IMMT: variants seen among roughly 807,000 people sequenced by gnomAD.
IMMT encodes the protein MICOS complex subunit MIC60.
IMMT carries 40 observed loss-of-function variants against 92.7 expected under a neutral mutation model. The ratio of observed to expected loss-of-function variants is 0.43; its 90% CI spans 0.34 to 0.56. IMMT has a LOEUF of 0.56. Ranked by LOEUF, IMMT falls within the 20% of genes least tolerant of loss-of-function variation. IMMT has a pLI of 0.03. For synonymous variants in IMMT, 322 were observed against 336.1 expected (o/e 0.96, Z 0.46); for missense variants, 831 against 912.1 (o/e 0.91, Z 1.14).
intron 12 of IMMT, among the ~76,000 whole-genome samples, chr2:86,149,149 T>C (rs1379830698): frequency 1.3e-5 from 2 of 152,182 alleles, no homozygotes; most frequent in Non-Finnish European, 2.9e-5. Flanking sequence ...CAGAAAGTAA[T>C]ACAGAGACTC....
At position 86,159,591 on chromosome 2, in the gene IMMT, G is replaced by C; in HGVS notation, c.977C>G (p.Ala326Gly). ...CATGTTGTGAAGTTTACCCTCTGCAGCAGTTATATGAGGCTTGGCCCCAGC... is the reference window on the plus strand; with the variant it reads ...CATGTTGTGAAGTTTACCCTCTGCACCAGTTATATGAGGCTTGGCCCCAGC... ...EVAGAKPHIT[A>G]AEGKLHNMIV... Residue 326 changes from alanine to glycine, a missense_variant, in exon 9 of 15, where the codon GCT becomes GGT. Ala to Gly is a moderately conservative substitution (Grantham distance 60). Coordinates refer to ENST00000410111, the MANE Select transcript of IMMT (RefSeq NM_006839.3). 6.2e-7 allele frequency: 1 copy of C among 1,604,462 alleles called. No individual in the cohort carries two copies. The highest frequency in any genetic ancestry group is 8.5e-7 in the Non-Finnish European group (1 of 1,175,982).
intron 12 of IMMT, among the ~76,000 whole-genome samples, chr2:86,150,371 G>T (rs1342639641): frequency 6.6e-6 from 1 of 152,224 alleles, no homozygotes; most frequent in South Asian, 2.1e-4. Context: ...TGCCAGGTAT[G>T]CCACCATTTG....
chr2:86,177,329 G>A (rs549565521), intron 3 of IMMT, among the ~76,000 whole-genome samples: 11 of 151,922 alleles, frequency 7.2e-5, no homozygotes, highest in African/African-American at 2.7e-4. Flanking sequence ...TAGGCTGGGC[G>A]CAGTGGCTCA....
intron 8 of IMMT, among the ~76,000 whole-genome samples, chr2:86,161,410 T>C (rs1676261662): frequency 6.6e-6 from 1 of 151,984 alleles, no homozygotes; most frequent in Non-Finnish European, 1.5e-5. Context: ...ATCTGCCTCC[T>C]AGGCCTCCCA....
rs141464602 is a variant in IMMT, at chr2:86,148,330, C to T, written c.1402-497G>A. Among the ~76,000 whole-genome samples, 199 of 152,192 alleles carry T rather than the reference C, an allele frequency of 1.3e-3. 1 individual carries two copies. The highest frequency in any genetic ancestry group is 3.3e-3 in the South Asian group (16 of 4,814). On this transcript the variant is annotated intron_variant, in intron 12 of 14. Coordinates refer to ENST00000410111, the MANE Select transcript of IMMT (RefSeq NM_006839.3). ...AGAATCATTAAGAAAATTAGTTGGCCGGGCGTGGTGGCTCACACCTGTAAT... is the reference window on the plus strand; with the variant it reads ...AGAATCATTAAGAAAATTAGTTGGCTGGGCGTGGTGGCTCACACCTGTAAT...
At chr2:86,162,729 A>G (rs1676386265) in intron 7 of IMMT, among the ~76,000 whole-genome samples, 1 of 152,176 alleles carries the variant, frequency 6.6e-6, no homozygotes, top group Non-Finnish European at 1.5e-5. Flanking sequence ...CTGTAATCCC[A>G]GCTACTCGGG....
intron 6 of IMMT, among the ~76,000 whole-genome samples, chr2:86,169,584 A>G (rs1676945710): frequency 6.6e-6 from 1 of 152,188 alleles, no homozygotes; most frequent in Non-Finnish European, 1.5e-5. Flanking sequence ...TCCAGCAAAA[A>G]GCTACATCCC....
rs189772643 is a variant in IMMT at position 86,192,746 on chromosome 2, A to T, written c.45+2592T>A. On this transcript the variant is annotated intron_variant, in intron 1 of 14. Coordinates refer to ENST00000410111, the MANE Select transcript of IMMT (RefSeq NM_006839.3). ...AGTCAGAATTCTATTTTGGATCAGG[A>T]TGCCCTCTCTGAAGGGAAGGTGACA... Among the ~76,000 whole-genome samples the T allele has an allele frequency of 8.2e-4, 125 of 152,286 alleles. 1 individual carries two copies. The highest frequency in any genetic ancestry group is 2.2e-3 in the Admixed American group (34 of 15,298).
At chr2:86,183,343 A>G (rs1264015015) in intron 1 of IMMT, among the ~76,000 whole-genome samples, 1 of 152,114 alleles carries the variant, frequency 6.6e-6, no homozygotes, top group Non-Finnish European at 1.5e-5. Flanking sequence ...AGGTCTTGCT[A>G]TGTTGACCAG....
At position 86,158,628 on chromosome 2, in the gene IMMT, T is replaced by C; in HGVS notation, c.1126A>G (p.Ile376Val). The change falls in exon 10 of 15, where the codon ATT becomes GTT. Residue 376 changes from isoleucine to valine, a missense_variant. Coordinates refer to ENST00000410111, the MANE Select transcript of IMMT (RefSeq NM_006839.3). ...CACCCAGGAAGGACTTCTGGAGTAATACTGTCCAGCTCTCGTTTAAAGTCA... is the reference window on the plus strand; with the variant it reads ...CACCCAGGAAGGACTTCTGGAGTAACACTGTCCAGCTCTCGTTTAAAGTCA... Reference protein sequence around the residue: ...RDDFKRELDSITPEVLPGWKG... With the variant: ...RDDFKRELDSVTPEVLPGWKG... The C allele has an allele frequency of 6.2e-7, 1 of 1,607,238 alleles. No homozygotes were observed. Among genetic ancestry groups the C allele is most frequent in the Non-Finnish European group, 8.5e-7 (1 of 1,176,572 alleles).
At chr2:86,152,227 G>A (rs1675509340) in intron 11 of IMMT, among the ~76,000 whole-genome samples, 1 of 152,016 alleles carries the variant, frequency 6.6e-6, no homozygotes, top group Admixed American at 6.5e-5. Flanking sequence ...GATCACCTGA[G>A]GTCAGGAGTT....
intron 14 of IMMT, 45 bp downstream of exon 14, chr2:86,146,023 A>T (rs977457555): frequency 1.4e-6 from 2 of 1,417,546 alleles, no homozygotes; most frequent in Non-Finnish European, 1.9e-6. Flanking sequence ...TTGATAAATT[A>T]TGCTGAGGAA....
chr2:86,162,197 A>G (rs891919689), intron 7 of IMMT, 118 bp from the exon 8 acceptor site: 3 of 612,392 alleles, frequency 4.9e-6, no homozygotes, highest in Admixed American at 7.0e-5. Flanking sequence ...TTTATATGCA[A>G]TGTTTCTCCA....
intron 10 of IMMT, 106 bp downstream of exon 10, chr2:86,158,486 C>A: frequency 1.2e-6 from 1 of 836,650 alleles, no homozygotes; most frequent in Non-Finnish European, 1.9e-6. Context: ...AAGAGATATG[C>A]ATGCATGCCA....
At chr2:86,164,413 G>C (rs953036352) in intron 7 of IMMT, among the ~76,000 whole-genome samples, 2 of 151,990 alleles carry the variant, frequency 1.3e-5, no homozygotes, top group African/African-American at 4.8e-5. Flanking sequence ...TTTGGGGCCA[G>C]GCATGGTGGC....
chr2:86,188,395 A>G (rs865863705), intron 1 of IMMT, among the ~76,000 whole-genome samples: 50 of 151,666 alleles, frequency 3.3e-4, no homozygotes, highest in African/African-American at 1.2e-3. Flanking sequence ...ATACACGCAC[A>G]CACGCGCACA....
At chr2:86,192,200 T>A (rs967686962) in intron 1 of IMMT, among the ~76,000 whole-genome samples, 3 of 152,160 alleles carry the variant, frequency 2.0e-5, no homozygotes, top group Non-Finnish European at 4.4e-5. Context: ...ACTGCTGTAC[T>A]CCAGCCTGGG....
intron 7 of IMMT, among the ~76,000 whole-genome samples, chr2:86,166,223 C>T (rs923098095): frequency 2.0e-5 from 3 of 151,938 alleles, no homozygotes; most frequent in African/African-American, 7.3e-5. Flanking sequence ...CCCAGCTACT[C>T]GGGAGGCTGA....
In IMMT at chr2:86,144,570, A is replaced by C. The variant is rs761146013; in HGVS notation, c.1975T>G (p.Phe659Val). Reference sequence around the variant, plus strand: ...AGCAGGGACTGTAGGTAGGAGAGGAAGTACTGGTACAAGCTATTTCTGGTT... The same window carrying C: ...AGCAGGGACTGTAGGTAGGAGAGGACGTACTGGTACAAGCTATTTCTGGTT... ...DETRNSLYQY[F>V]LSYLQSLLLF... The change falls in exon 15 of 15, where the codon TTC becomes GTC. Residue 659 changes from phenylalanine to valine, a missense_variant. Physicochemically the swap from Phe to Val is conservative, Grantham distance 50 (BLOSUM62 -1). Transcript: ENST00000410111. 6.2e-7 allele frequency: 1 copy of C among 1,614,044 alleles called. No homozygotes were observed. Among genetic ancestry groups the C allele is most frequent in the Middle Eastern group, 1.7e-4 (1 of 6,052 alleles).
Sources: gnomAD v4.1 joint callset for allele counts (sites outside exome capture counted in the v4.1 genomes callset) on GRCh38, gnomAD v4.1.1 for gene constraint, MANE v1.5 for transcripts, NCBI Gene and HGNC (gene_info 2026-07-23, HGNC 2026-07-21) for gene names.